Variants in PLCB1 observed in about 807,000 individuals in gnomAD.
PLCB1 encodes the protein 1-phosphatidylinositol 4,5-bisphosphate phosphodiesterase beta-1.
A neutral mutation model predicts 161.8 loss-of-function variants in PLCB1; 46 were observed. That is an observed-to-expected ratio of 0.28 (90% CI 0.22 to 0.36). The LOEUF (loss-of-function observed/expected upper bound fraction) is 0.36, where lower values mean the gene tolerates loss of function less well. Among genes scored for constraint, PLCB1 ranks in the 10% least tolerant of loss-of-function variants. The pLI is 1.00. For synonymous variants in PLCB1, 517 were observed against 503.7 expected, an observed-to-expected ratio of 1.03 and a Z score of -0.35; for missense variants, 1,016 against 1,472.5, an observed-to-expected ratio of 0.69 and a Z score of 5.07.
intron 3 of PLCB1, among the ~76,000 whole-genome samples, chr20:8,455,116 G>A (rs1981242456): frequency 6.6e-6 from 1 of 151,896 alleles, no homozygotes. Flanking sequence ...GCAGATCAAG[G>A]TCAGGAGTTC....
chr20:8,259,767 T>A (rs1387866398), intron 2 of PLCB1, among the ~76,000 whole-genome samples: 2 of 152,196 alleles, frequency 1.3e-5, no homozygotes, highest in African/African-American at 4.8e-5. Flanking sequence ...AAAAATAATT[T>A]TCAGAATTAG....
At chr20:8,354,799 C>A (rs1212377194) in intron 2 of PLCB1, among the ~76,000 whole-genome samples, 1 of 152,180 alleles carries the variant, frequency 6.6e-6, no homozygotes, top group South Asian at 2.1e-4. Flanking sequence ...TTTCTCACTA[C>A]AGAGCTAACA....
Position 8,710,852 on chromosome 20 carries a change from C to T in PLCB1, c.1250+2100C>T, listed in dbSNP as rs770854541. ...TAGACAAAATGAAAGGCTATGGTTCCATTCTATATTGTCACACCTGCTACA... is the reference window on the plus strand; with the variant it reads ...TAGACAAAATGAAAGGCTATGGTTCTATTCTATATTGTCACACCTGCTACA... On this transcript the variant is annotated intron_variant, in intron 12 of 31. Transcript: ENST00000338037. Among the ~76,000 whole-genome samples, 9 of 152,048 alleles carry T rather than the reference C, an allele frequency of 5.9e-5. 1 individual carries two copies. Among genetic ancestry groups the T allele is most frequent in the Non-Finnish European group, 1.2e-4 (8 of 67,986 alleles).
chr20:8,587,446 T>C (rs1248501355), intron 3 of PLCB1, among the ~76,000 whole-genome samples: 1 of 152,092 alleles, frequency 6.6e-6, no homozygotes, highest in African/African-American at 2.4e-5. Context: ...ATTCCAACAA[T>C]GATATACAGC....
Position 8,140,752 on chromosome 20 carries a change from G to A in PLCB1, c.99+8002G>A, listed in dbSNP as rs376802834. ...CTTTCCAGTCTACCATGATGTCCCCGAACAGGGTCCTTTTAGTAACAACAA... is the reference window on the plus strand; with the variant it reads ...CTTTCCAGTCTACCATGATGTCCCCAAACAGGGTCCTTTTAGTAACAACAA... On this transcript the variant is annotated intron_variant, in intron 1 of 31. Coordinates refer to ENST00000338037, the MANE Select transcript of PLCB1 (RefSeq NM_015192.4). Among the ~76,000 whole-genome samples the A allele has an allele frequency of 2.8e-3, 426 of 152,096 alleles. 1 individual carries two copies. The highest frequency in any genetic ancestry group is 8.8e-3 in the African/African-American group (367 of 41,472).
chr20:8,675,029 A>G (rs1990041482), intron 9 of PLCB1, among the ~76,000 whole-genome samples: 1 of 152,066 alleles, frequency 6.6e-6, no homozygotes, highest in South Asian at 2.1e-4. Flanking sequence ...TTTGAATTCA[A>G]ATTGCAACTT....
At chr20:8,313,813 A>G (rs948754632) in intron 2 of PLCB1, among the ~76,000 whole-genome samples, 1 of 152,186 alleles carries the variant, frequency 6.6e-6, no homozygotes, top group Non-Finnish European at 1.5e-5. Context: ...AATCCAAAAT[A>G]TTCCTCAAAG....
chr20:8,163,573 C>T (rs1177069754), intron 2 of PLCB1, among the ~76,000 whole-genome samples: 1 of 152,202 alleles, frequency 6.6e-6, no homozygotes, highest in Non-Finnish European at 1.5e-5. Context: ...ACAGTTCTTG[C>T]TTGGCCTGTG....
chr20:8,631,591 C>G (rs1988590711), intron 4 of PLCB1, among the ~76,000 whole-genome samples: 1 of 152,212 alleles, frequency 6.6e-6, no homozygotes, highest in African/African-American at 2.4e-5. Flanking sequence ...TGTTCATTCT[C>G]TAACTTCCAA....
chr20:8,632,329 T>C (rs1988627503), intron 4 of PLCB1, among the ~76,000 whole-genome samples: 1 of 152,090 alleles, frequency 6.6e-6, no homozygotes, highest in South Asian at 2.1e-4. Context: ...TCTTCATCCA[T>C]AAAATGAAGA....
chr20:8,847,701 G>A (rs970669902), intron 31 of PLCB1, among the ~76,000 whole-genome samples: 4 of 152,166 alleles, frequency 2.6e-5, no homozygotes, highest in Admixed American at 6.5e-5. Flanking sequence ...GTAAGTCAGA[G>A]GTTCCCACAA....
At chr20:8,415,794 G>T (rs1979244525) in intron 3 of PLCB1, among the ~76,000 whole-genome samples, 1 of 152,186 alleles carries the variant, frequency 6.6e-6, no homozygotes, top group African/African-American at 2.4e-5. Context: ...TACCCTTCAT[G>T]TGGGGCAGAA....
intron 3 of PLCB1, among the ~76,000 whole-genome samples, chr20:8,482,898 A>C (rs776228458): frequency 2.0e-5 from 3 of 147,922 alleles, no homozygotes; most frequent in Non-Finnish European, 3.0e-5. Context: ...GCAGTCCTTC[A>C]TTTTTTTTTT....
At chr20:8,746,483 G>A (rs1001364293) in intron 23 of PLCB1, among the ~76,000 whole-genome samples, 3 of 152,140 alleles carry the variant, frequency 2.0e-5, no homozygotes, top group African/African-American at 4.8e-5. Context: ...AGTACTTACT[G>A]TATATCTGAC....
intron 2 of PLCB1, among the ~76,000 whole-genome samples, chr20:8,282,876 G>T (rs1346753664): frequency 6.6e-6 from 1 of 152,136 alleles, no homozygotes; most frequent in Non-Finnish European, 1.5e-5. Flanking sequence ...TATTAATTAG[G>T]ATATGGGTCT....
At chr20:8,673,922 GCT>G (rs1158611169) in intron 9 of PLCB1, among the ~76,000 whole-genome samples, 5 of 152,134 alleles carry the variant, frequency 3.3e-5, no homozygotes, top group African/African-American at 1.2e-4. Context: ...TTTGCTGACA[GCT>G]CTCTTTAGCT....
chr20:8,139,161 ACTGCCAACCT>A (rs1371611575), intron 1 of PLCB1, among the ~76,000 whole-genome samples: 2 of 131,614 alleles, frequency 1.5e-5, no homozygotes, highest in Middle Eastern at 5.1e-3. Flanking sequence ...ATCTCGGCTC[ACTGCCAACCT>A]CTGCAGCCGG....
chr20:8,876,511 G>C (rs1987784980), intron 31 of PLCB1, among the ~76,000 whole-genome samples: 1 of 152,088 alleles, frequency 6.6e-6, no homozygotes, highest in Non-Finnish European at 1.5e-5. Flanking sequence ...TATGGGTCCA[G>C]GCCACATAAT....
intron 4 of PLCB1, among the ~76,000 whole-genome samples, chr20:8,634,164 G>T (rs57713119): frequency 2.6e-5 from 4 of 151,982 alleles, no homozygotes; most frequent in Non-Finnish European, 5.9e-5. Flanking sequence ...TCTCAAACTT[G>T]TTGAGCCATT....
Sources: gnomAD v4.1 joint callset for allele counts (sites outside exome capture counted in the v4.1 genomes callset) on GRCh38, gnomAD v4.1.1 for gene constraint, MANE v1.5 for transcripts, NCBI Gene and HGNC (gene_info 2026-07-23, HGNC 2026-07-21) for gene names.